Variants in PTPN13 observed in about 807,000 individuals in gnomAD.
PTPN13 encodes protein tyrosine phosphatase non-receptor type 13, also known as tyrosine-protein phosphatase non-receptor type 13.
In PTPN13, 191 loss-of-function variants were observed where a neutral mutation model predicts 284.0. The observed-to-expected ratio is 0.67, with a 90% CI of 0.60 to 0.76. The LOEUF (loss-of-function observed/expected upper bound fraction) is 0.76. Among genes scored for constraint, PTPN13 ranks in the 30% least tolerant of loss-of-function variants. The pLI is 0.00. For synonymous variants in PTPN13, 986 were observed against 1,022.3 expected, an observed-to-expected ratio of 0.96 and a Z score of 0.68; for missense variants, 2,797 against 2,939.9, an observed-to-expected ratio of 0.95 and a Z score of 1.12.
intron 35 of PTPN13, among the ~76,000 whole-genome samples, chr4:86,780,142 T>TA (rs1321766016): frequency 1.3e-5 from 2 of 152,270 alleles, no homozygotes; most frequent in East Asian, 3.9e-4. Flanking sequence ...CTCACACCTG[T>TA]AATCTCAGCA....
At chr4:86,704,838 T>A (rs1466601866) in intron 7 of PTPN13, among the ~76,000 whole-genome samples, 1 of 152,190 alleles carries the variant, frequency 6.6e-6, no homozygotes, top group East Asian at 1.9e-4. Context: ...AAATGTTGGA[T>A]TATTATGGAA....
chr4:86,729,853 A>G (rs1342282907), intron 10 of PTPN13, among the ~76,000 whole-genome samples: 1 of 149,564 alleles, frequency 6.7e-6, no homozygotes, highest in Non-Finnish European at 1.5e-5. Flanking sequence ...CAACTTGCCA[A>G]AGTCATTCTC....
intron 7 of PTPN13, among the ~76,000 whole-genome samples, chr4:86,703,149 A>G (rs897707283): frequency 6.6e-6 from 1 of 152,132 alleles, no homozygotes; most frequent in Admixed American, 6.6e-5. Context: ...GGGTTCCGAT[A>G]TAACATGAAT....
chr4:86,661,401 C>A (rs1726469595), intron 2 of PTPN13, among the ~76,000 whole-genome samples: 1 of 152,088 alleles, frequency 6.6e-6, no homozygotes, highest in Admixed American at 6.5e-5. Flanking sequence ...CATTTAGTAA[C>A]AAGTTAAAAT....
At chr4:86,675,971 A>G (rs753931242) in intron 3 of PTPN13, among the ~76,000 whole-genome samples, 3 of 152,206 alleles carry the variant, frequency 2.0e-5, no homozygotes, top group Non-Finnish European at 4.4e-5. Flanking sequence ...TAGTCTAAAT[A>G]TCAAGAATTA....
At chr4:86,627,369 T>C (rs1026231003) in intron 1 of PTPN13, among the ~76,000 whole-genome samples, 1 of 152,126 alleles carries the variant, frequency 6.6e-6, no homozygotes, top group East Asian at 1.9e-4. Context: ...AAAACAAATT[T>C]ACCATTTATT....
At chr4:86,693,027 C>T (rs1020226621) in intron 5 of PTPN13, among the ~76,000 whole-genome samples, 4 of 147,120 alleles carry the variant, frequency 2.7e-5, no homozygotes, top group Non-Finnish European at 5.9e-5. Context: ...TGCAGTGAAC[C>T]GAGGTCCTCC....
At chr4:86,786,194 AATT>A (rs1480702457) in intron 40 of PTPN13, among the ~76,000 whole-genome samples, 2 of 152,198 alleles carry the variant, frequency 1.3e-5, no homozygotes, top group African/African-American at 4.8e-5. Context: ...AAACTTTATA[AATT>A]ATTCTTTAAA....
intron 1 of PTPN13, 134 bp from the exon 2 acceptor site, chr4:86,635,118 T>C: frequency 1.0e-6 from 1 of 969,558 alleles, no homozygotes; most frequent in Non-Finnish European, 1.5e-6. Flanking sequence ...AAGATAACAT[T>C]TAGATTGGTA....
intron 2 of PTPN13, among the ~76,000 whole-genome samples, chr4:86,670,925 A>C (rs1727657909): frequency 6.6e-6 from 1 of 152,208 alleles, no homozygotes; most frequent in South Asian, 2.1e-4. Context: ...GATTCATTGA[A>C]ATGTATTTGG....
At chr4:86,720,725 A>G (rs976080592) in intron 9 of PTPN13, among the ~76,000 whole-genome samples, 2 of 152,116 alleles carry the variant, frequency 1.3e-5, no homozygotes, top group Non-Finnish European at 2.9e-5. Flanking sequence ...ATAGTGCTGT[A>G]TTTGTACATA....
At chr4:86,708,493 G>A (rs551221292) in intron 7 of PTPN13, among the ~76,000 whole-genome samples, 12 of 152,208 alleles carry the variant, frequency 7.9e-5, no homozygotes, top group African/African-American at 2.6e-4. Flanking sequence ...TGAGATCAGA[G>A]TTCACAGAAA....
chr4:86,799,378 CTCACTACAACCACCACCTCCCCAGT>C (rs150261397), intron 42 of PTPN13, among the ~76,000 whole-genome samples, 174 bp downstream of exon 42: 14,768 of 148,228 alleles, frequency 0.1, 840 homozygotes, highest in Non-Finnish European at 0.11. Context: ...GCGATCTCGG[CTCACTACAACCACCACCTCCCCAGT>C]TCACTACAAC....
intron 1 of PTPN13, among the ~76,000 whole-genome samples, chr4:86,626,494 A>G (rs539296392): frequency 6.6e-6 from 1 of 152,070 alleles, no homozygotes; most frequent in Non-Finnish European, 1.5e-5. Flanking sequence ...TAACTATATT[A>G]GGCAATAATA....
At position 86,809,815 on chromosome 4, in the gene PTPN13, C is replaced by G. The variant is rs1429340463; in HGVS notation, c.7130C>G (p.Pro2377Arg). Reference protein sequence around the residue: ...HISHLNFTAWPDHDTPSQPDD... With the variant: ...HISHLNFTAWRDHDTPSQPDD... ...TCTCATCTGAATTTCACTGCCTGGCCAGACCATGATACACCTTCTCAACCA... is the reference window on the plus strand; with the variant it reads ...TCTCATCTGAATTTCACTGCCTGGCGAGACCATGATACACCTTCTCAACCA... The change falls in exon 46 of 48, where the codon CCA becomes CGA. Residue 2377 changes from proline (P) to arginine (R), a missense_variant. Transcript: ENST00000411767. 5 of 1,614,018 alleles carry G rather than the reference C, an allele frequency of 3.1e-6. No homozygotes were observed. The Admixed American group carries it at 6.7e-5, about 22-fold the overall frequency.
chr4:86,716,609 A>G lies in PTPN13; in HGVS notation c.1275A>G (p.Glu425=), dbSNP rs1733050441. The G allele has an allele frequency of 1.9e-6, 3 of 1,587,464 alleles. No homozygotes were observed. The highest frequency in any genetic ancestry group is 1.8e-5 in the Admixed American group (1 of 56,934). The change falls in exon 8 of 48, where the codon GAA becomes GAG. Residue 425 remains glutamate (E), a synonymous_variant. Coordinates refer to ENST00000411767, the MANE Select transcript of PTPN13 (RefSeq NM_080683.3). ...AAAGTCCATCTATTATTTCCTCTGA[A>G]TCAGATTTCAGACAAGGTAGGAGGC... The part of the protein sequence containing the change: ...SSESPSIISS[E]SDFRQVRRSE...
rs1284921916 is a variant in PTPN13 at position 86,803,630 on chromosome 4, G to A, written c.6506-79G>A. On this transcript the variant is annotated intron_variant, in intron 42 of 47. Coordinates refer to ENST00000411767, the MANE Select transcript of PTPN13 (RefSeq NM_080683.3). ...TAGACTTTCCCTTTTGTAAGATGAG[G>A]TGAACATAGGCTGAAATTAGTTCAC... The A allele has an allele frequency of 1.9e-5, 27 of 1,427,608 alleles. No homozygotes were observed. In the Admixed American group the frequency reaches 4.3e-4, roughly 23 times the overall value. 88.4% of individuals were successfully genotyped at this position (1,427,608 alleles called of 1,614,324 possible).
At chr4:86,785,156 T>A in intron 38 of PTPN13, 75 bp from the exon 39 acceptor site, 1 of 1,176,962 alleles carries the variant, frequency 8.5e-7, no homozygotes, top group Non-Finnish European at 1.2e-6. Context: ...CCTAGCAAAT[T>A]CTGTTTAACA....
At chr4:86,744,387 A>AT (rs1736498572) in intron 16 of PTPN13, among the ~76,000 whole-genome samples, 1 of 152,172 alleles carries the variant, frequency 6.6e-6, no homozygotes, top group African/African-American at 2.4e-5. Context: ...AAACATTACC[A>AT]TAAATTCAAA....
Sources: gnomAD v4.1 joint callset for allele counts (sites outside exome capture counted in the v4.1 genomes callset) on GRCh38, gnomAD v4.1.1 for gene constraint, MANE v1.5 for transcripts, NCBI Gene and HGNC (gene_info 2026-07-23, HGNC 2026-07-21) for gene names.